Variants in OXR1 observed in about 807,000 individuals in gnomAD.
The protein encoded by OXR1 is oxidation resistance 1.
A neutral mutation model predicts 104.6 loss-of-function variants in OXR1; 41 were observed. The ratio of observed to expected loss-of-function variants is 0.39; its 90% CI spans 0.31 to 0.51. The LOEUF (loss-of-function observed/expected upper bound fraction) is 0.51. Among genes scored for constraint, OXR1 ranks in the 20% least tolerant of loss-of-function variants. OXR1 has a pLI of 0.77. For synonymous variants in OXR1, 348 were observed against 348.4 expected, an observed-to-expected ratio of 1.00 and a Z score of 0.01; for missense variants, 955 against 1,031.9, an observed-to-expected ratio of 0.93 and a Z score of 1.02.
chr8:106,511,159 G>A (rs1812498800), intron 2 of OXR1, among the ~76,000 whole-genome samples: 2 of 152,092 alleles, frequency 1.3e-5, no homozygotes, highest in Admixed American at 6.6e-5. Context: ...GAACATGCTT[G>A]GGTTTTGCTG....
rs116037676 is a variant in OXR1 at position 106,514,080 on chromosome 8, C to T, written c.24-4863C>T. Reference sequence around the variant, plus strand: ...CTAGTCTCTGTCTAAGGCTTCAGCACCCATTTTCCTTTGGGAATGCAAAGC... The same window carrying T: ...CTAGTCTCTGTCTAAGGCTTCAGCATCCATTTTCCTTTGGGAATGCAAAGC... On this transcript the variant is annotated intron_variant, in intron 2 of 16. Coordinates refer to ENST00000517566, the MANE Select transcript of OXR1 (RefSeq NM_001198533.2). 8.3e-3 allele frequency among the ~76,000 whole-genome samples: 1,269 copies of T among 152,222 alleles called. 18 individuals are homozygous for T. Among genetic ancestry groups the T allele is most frequent in the African/African-American group, 0.029 (1,202 of 41,538 alleles).
At chr8:106,362,574 C>T (rs541720752) in intron 2 of OXR1, among the ~76,000 whole-genome samples, 1 of 152,142 alleles carries the variant, frequency 6.6e-6, no homozygotes, top group East Asian at 1.9e-4. Context: ...TAGGAAACTT[C>T]CAAGTTTCCA....
At chr8:106,450,800 C>A (rs1194553536) in intron 2 of OXR1, among the ~76,000 whole-genome samples, 1 of 150,880 alleles carries the variant, frequency 6.6e-6, no homozygotes, top group East Asian at 2.0e-4. Flanking sequence ...TAAGGCAAAG[C>A]AAAGCTTTGG....
intron 2 of OXR1, among the ~76,000 whole-genome samples, chr8:106,488,117 A>T (rs1445846578): frequency 1.4e-5 from 2 of 146,320 alleles, no homozygotes; most frequent in Admixed American, 6.9e-5. Flanking sequence ...TTGCCATTCT[A>T]ACTGGTGTGA....
rs150105793 is a variant in OXR1 at position 106,563,142 on chromosome 8, G to A, written c.220+44003G>A. Among the ~76,000 whole-genome samples the A allele has an allele frequency of 5.6e-4, 85 of 151,994 alleles. 1 individual carries two copies. The East Asian group carries it at 0.015, about 27-fold the overall frequency. On this transcript the variant is annotated intron_variant, in intron 3 of 16. Coordinates refer to ENST00000517566, the MANE Select transcript of OXR1 (RefSeq NM_001198533.2). ...AACAATATTAACCTTAAATGTTAAC[G>A]GGCCAAATGTCTCAGTTAAAAGGCA...
chr8:106,716,790 A>G (rs942938991), intron 11 of OXR1, among the ~76,000 whole-genome samples: 10 of 152,294 alleles, frequency 6.6e-5, no homozygotes, highest in South Asian at 2.1e-4. Context: ...TATTAATACA[A>G]TTAATTTCAC....
intron 3 of OXR1, among the ~76,000 whole-genome samples, chr8:106,647,231 T>A (rs141659541): frequency 5.0e-4 from 76 of 152,328 alleles, no homozygotes; most frequent in Non-Finnish European, 1.6e-4. Context: ...TGGTTTTTAG[T>A]AGGGTTTGTA....
chr8:106,313,621 A>G (rs1286256091), intron 1 of OXR1, among the ~76,000 whole-genome samples: 1 of 130,524 alleles, frequency 7.7e-6, no homozygotes, highest in Non-Finnish European at 1.6e-5. Flanking sequence ...GAACCTACCA[A>G]TCCAATGTAC....
intron 3 of OXR1, among the ~76,000 whole-genome samples, chr8:106,630,858 G>T (rs1267191076): frequency 1.3e-5 from 2 of 152,166 alleles, no homozygotes; most frequent in African/African-American, 4.8e-5. Context: ...GGGCTCAGTG[G>T]CTCTTAACAA....
chr8:106,492,723 C>T (rs1294687539), intron 2 of OXR1, among the ~76,000 whole-genome samples: 4 of 152,160 alleles, frequency 2.6e-5, no homozygotes, highest in Non-Finnish European at 5.9e-5. Context: ...GTATAAGAAG[C>T]TGATTAGGTC....
chr8:106,727,507 T>C (rs1252926658), intron 11 of OXR1, among the ~76,000 whole-genome samples: 3 of 152,124 alleles, frequency 2.0e-5, no homozygotes, highest in Non-Finnish European at 4.4e-5. Context: ...CAACCTGGGC[T>C]CCTGGGCTCA....
chr8:106,313,107 T>A (rs2130140327), intron 1 of OXR1, among the ~76,000 whole-genome samples: 1 of 152,304 alleles, frequency 6.6e-6, no homozygotes, highest in East Asian at 1.9e-4. Context: ...AGTCATTTCT[T>A]ATTTTTTTTT....
intron 3 of OXR1, chr8:106,657,709 G>T: frequency 2.1e-6 from 1 of 474,334 alleles, no homozygotes; most frequent in Non-Finnish European, 3.1e-6. Context: ...ACACCTATGT[G>T]ACAAGCTAAG....
intron 3 of OXR1, among the ~76,000 whole-genome samples, chr8:106,627,706 T>G (rs1195447828): frequency 6.6e-6 from 1 of 152,188 alleles, no homozygotes; most frequent in Non-Finnish European, 1.5e-5. Context: ...GCTTACCTAC[T>G]CTTTTTTCGG....
At chr8:106,444,051 CA>C (rs1563526665) in intron 2 of OXR1, among the ~76,000 whole-genome samples, 1 of 152,060 alleles carries the variant, frequency 6.6e-6, no homozygotes, top group Admixed American at 6.6e-5. Context: ...CAGACACACT[CA>C]AAAGAAGACA....
At chr8:106,726,671 A>G (rs1833374178) in intron 11 of OXR1, among the ~76,000 whole-genome samples, 1 of 152,186 alleles carries the variant, frequency 6.6e-6, no homozygotes, top group South Asian at 2.1e-4. Flanking sequence ...TAAATTAATT[A>G]TTATTGACTG....
intron 2 of OXR1, chr8:106,447,952 G>A: frequency 6.5e-7 from 1 of 1,534,976 alleles, no homozygotes; most frequent in Non-Finnish European, 8.7e-7. Context: ...GGGCTCACAG[G>A]TAACAGAACT....
chr8:106,324,464 G>T (rs1008481182), intron 1 of OXR1, among the ~76,000 whole-genome samples: 5 of 150,884 alleles, frequency 3.3e-5, no homozygotes, highest in African/African-American at 1.2e-4. Context: ...CCCCCTACAC[G>T]TGTTTACCTA....
intron 7 of OXR1, 115 bp from the exon 8 acceptor site, chr8:106,702,791 G>A: frequency 1.3e-6 from 1 of 758,380 alleles, no homozygotes; most frequent in Non-Finnish European, 2.0e-6. Flanking sequence ...CACAGTTCCT[G>A]AGTGTACTAT....
Sources: gnomAD v4.1 joint callset for allele counts (sites outside exome capture counted in the v4.1 genomes callset) on GRCh38, gnomAD v4.1.1 for gene constraint, MANE v1.5 for transcripts, NCBI Gene and HGNC (gene_info 2026-07-23, HGNC 2026-07-21) for gene names.